Variants in HDAC9 observed in about 807,000 individuals in gnomAD.
HDAC9 encodes the protein histone deacetylase 9.
HDAC9 carries 41 observed loss-of-function variants against 139.4 expected under a neutral mutation model. The ratio of observed to expected loss-of-function variants is 0.29; its 90% CI spans 0.23 to 0.38. The LOEUF (loss-of-function observed/expected upper bound fraction) is 0.38, where lower values mean the gene tolerates loss of function less well. Ranked by LOEUF, HDAC9 falls within the 10% of genes least tolerant of loss-of-function variation. The pLI is 1.00. For missense variants in HDAC9, 1,147 were observed against 1,297.0 expected (o/e 0.88, Z 1.78); for synonymous variants, 517 against 476.2 (o/e 1.09, Z -1.12).
chr7:18,597,335 C>T (rs1362713001), intron 6 of HDAC9, among the ~76,000 whole-genome samples: 3 of 152,032 alleles, frequency 2.0e-5, no homozygotes, highest in African/African-American at 7.2e-5. Flanking sequence ...GTAGTACTTC[C>T]TTCTAGAATT....
chr7:18,685,371 T>A (rs1326465499), intron 12 of HDAC9, among the ~76,000 whole-genome samples: 2 of 151,916 alleles, frequency 1.3e-5, no homozygotes, highest in African/African-American at 2.4e-5. Flanking sequence ...GTTTTTTTTT[T>A]GTTCTTGGCC....
chr7:18,407,761 G>A (rs994329238), intron 1 of HDAC9, among the ~76,000 whole-genome samples: 3 of 152,114 alleles, frequency 2.0e-5, no homozygotes, highest in African/African-American at 7.2e-5. Flanking sequence ...ACTGCACTCC[G>A]GAGACCATTA....
chr7:18,427,612 A>T (rs1790238458), intron 1 of HDAC9, among the ~76,000 whole-genome samples: 1 of 151,076 alleles, frequency 6.6e-6, no homozygotes, highest in South Asian at 2.1e-4. Flanking sequence ...TATTACAGTA[A>T]CCTTCTCATT....
intron 6 of HDAC9, among the ~76,000 whole-genome samples, chr7:18,613,315 T>C (rs1405317759): frequency 6.6e-6 from 1 of 151,980 alleles, no homozygotes; most frequent in East Asian, 1.9e-4. Context: ...CTTTTAATTT[T>C]GGGAAATGAG....
intron 2 of HDAC9, among the ~76,000 whole-genome samples, chr7:18,178,554 T>C (rs1789143035): frequency 6.6e-6 from 1 of 152,204 alleles, no homozygotes; most frequent in Non-Finnish European, 1.5e-5. Flanking sequence ...TACCACCCTC[T>C]TTCCTTTTAG....
In HDAC9 at chr7:18,279,923, G is replaced by A. The variant is rs747424892; in HGVS notation, c.25+117574G>A. ...TCATTTATCTCTTCTGGCTAGTGTC[G>A]AAAGGGGAATTCTGAGTGTTGAAAG... On this transcript the variant is annotated intron_variant, in intron 2 of 12. Transcript: ENST00000417496. Among the ~76,000 whole-genome samples, 10 of 152,172 alleles carry A rather than the reference G, an allele frequency of 6.6e-5. 1 individual carries two copies. Among genetic ancestry groups the A allele is most frequent in the South Asian group, 4.1e-4 (2 of 4,824 alleles).
At chr7:18,413,714 G>A (rs1788785450) in intron 1 of HDAC9, among the ~76,000 whole-genome samples, 1 of 152,074 alleles carries the variant, frequency 6.6e-6, no homozygotes, top group South Asian at 2.1e-4. Context: ...ATATTGAAAA[G>A]GCTGGGAATC....
intron 12 of HDAC9, among the ~76,000 whole-genome samples, chr7:18,674,547 G>A (rs1781380609): frequency 6.6e-6 from 1 of 151,812 alleles, no homozygotes; most frequent in East Asian, 1.9e-4. Flanking sequence ...GGTTTTTGAG[G>A]TCAGGGAAAA....
At chr7:18,544,434 AGGC>A (rs1554485737) in intron 2 of HDAC9, among the ~76,000 whole-genome samples, 1 of 152,234 alleles carries the variant, frequency 6.6e-6, no homozygotes, top group Non-Finnish European at 1.5e-5. Flanking sequence ...GATGCCAACC[AGGC>A]ATCAATGTGG....
At chr7:18,493,001 A>G (rs1165788773), upstream of HDAC9, among the ~76,000 whole-genome samples, 1 of 151,996 alleles carries the variant, frequency 6.6e-6, no homozygotes, top group Non-Finnish European at 1.5e-5. Flanking sequence ...GCAGGGATGA[A>G]ACGTAAATAA....
chr7:18,923,980 A>G (rs956231642), intron 22 of HDAC9, among the ~76,000 whole-genome samples: 1 of 151,980 alleles, frequency 6.6e-6, no homozygotes, highest in African/African-American at 2.4e-5. Context: ...ACAGAACAAA[A>G]CCACTGTGAT....
chr7:18,384,671 G>T (rs1213181293), intron 1 of HDAC9, among the ~76,000 whole-genome samples: 1 of 151,976 alleles, frequency 6.6e-6, no homozygotes, highest in East Asian at 1.9e-4. Context: ...AAGCAGCAGG[G>T]TTGTGACTGG....
chr7:18,416,812 G>T (rs1789111315), intron 1 of HDAC9, among the ~76,000 whole-genome samples: 1 of 151,976 alleles, frequency 6.6e-6, no homozygotes, highest in South Asian at 2.1e-4. Context: ...TGCCTATACT[G>T]TTTCCTAAGA....
intron 13 of HDAC9, among the ~76,000 whole-genome samples, chr7:18,729,910 A>G (rs1217201403): frequency 6.6e-6 from 1 of 152,210 alleles, no homozygotes; most frequent in African/African-American, 2.4e-5. Flanking sequence ...CATAATAAAC[A>G]CGAATTTACT....
At chr7:18,348,080 G>C (rs2128670017) in intron 1 of HDAC9, among the ~76,000 whole-genome samples, 1 of 152,242 alleles carries the variant, frequency 6.6e-6, no homozygotes. Flanking sequence ...TCATCATTAG[G>C]ATCTCTTGAA....
intron 14 of HDAC9, among the ~76,000 whole-genome samples, chr7:18,752,775 G>A (rs1223212671): frequency 1.3e-5 from 2 of 152,142 alleles, no homozygotes; most frequent in East Asian, 3.9e-4. Context: ...TTGTTTTTCA[G>A]TATCCACATA....
intron 2 of HDAC9, among the ~76,000 whole-genome samples, chr7:18,240,703 A>G (rs1794133019): frequency 6.6e-6 from 1 of 152,158 alleles, no homozygotes; most frequent in African/African-American, 2.4e-5. Flanking sequence ...CAAAATCTAG[A>G]AAAGTCATCC....
At chr7:18,766,881 A>C (rs981166189) in intron 15 of HDAC9, among the ~76,000 whole-genome samples, 1 of 152,190 alleles carries the variant, frequency 6.6e-6, no homozygotes, top group African/African-American at 2.4e-5. Flanking sequence ...ACATGCAATA[A>C]AATTTATATT....
chr7:18,306,537 A>G (rs1220958409), intron 1 of HDAC9, among the ~76,000 whole-genome samples: 1 of 152,174 alleles, frequency 6.6e-6, no homozygotes, highest in Non-Finnish European at 1.5e-5. Context: ...AGACTGAGTA[A>G]TATAGGGGTA....
Sources: gnomAD v4.1 joint callset for allele counts (sites outside exome capture counted in the v4.1 genomes callset) on GRCh38, gnomAD v4.1.1 for gene constraint, MANE v1.5 for transcripts, NCBI Gene and HGNC (gene_info 2026-07-23, HGNC 2026-07-21) for gene names.